Variants in FLVCR1 observed in about 807,000 individuals in gnomAD.
FLVCR1 encodes the protein FLVCR choline and heme transporter 1, also known as choline/ethanolamine transporter FLVCR1.
FLVCR1 carries 34 observed loss-of-function variants against 53.6 expected under a neutral mutation model. The observed-to-expected ratio is 0.63, with a 90% confidence interval of 0.48 to 0.84. The LOEUF (loss-of-function observed/expected upper bound fraction) is 0.84. FLVCR1 is among the 40% of genes least tolerant of loss of function. The pLI is 0.00. For missense variants in FLVCR1, 677 were observed against 696.7 expected (o/e 0.97, Z 0.32); for synonymous variants, 300 against 286.3 (o/e 1.05, Z -0.48).
At position 212,858,502 on chromosome 1, in the gene FLVCR1, C is replaced by G. The variant is rs1228515012; in HGVS notation, c.50C>G (p.Pro17Arg). Reference sequence around the variant, plus strand: ...GGGGCGGCGGTGGCGCCCGGACACCCGCTCGCGAAAGGATACCTCCCGTTG... The same window carrying G: ...GGGGCGGCGGTGGCGCCCGGACACCGGCTCGCGAAAGGATACCTCCCGTTG... Reference protein sequence around the residue: ...EEGAAVAPGHPLAKGYLPLPR... With the variant: ...EEGAAVAPGHRLAKGYLPLPR... The change falls in exon 1 of 10, where the codon CCG (proline) becomes CGG (arginine). Residue 17 changes from proline (P) to arginine (R), a missense_variant. By Grantham distance (103) the Pro-to-Arg change is moderately radical (BLOSUM62 -2). Coordinates refer to ENST00000366971, the MANE Select transcript of FLVCR1 (RefSeq NM_014053.4). 74 of 1,447,582 alleles carry G rather than the reference C, an allele frequency of 5.1e-5. No homozygotes were observed. Among genetic ancestry groups the G allele is most frequent in the Non-Finnish European group, 6.6e-5 (73 of 1,103,744 alleles). The allele number at this position is 1,447,582 out of a possible 1,614,324, so 89.7% of individuals were successfully genotyped here.
At chr1:212,868,407 C>CTTTAT (rs574364362) in intron 2 of FLVCR1, among the ~76,000 whole-genome samples, 14 of 151,752 alleles carry the variant, frequency 9.2e-5, no homozygotes, top group East Asian at 5.8e-4. Context: ...TATCTATAAA[C>CTTTAT]TTTATTTTAT....
chr1:212,869,280 CTAT>C (rs1256589712), intron 2 of FLVCR1, among the ~76,000 whole-genome samples: 1 of 152,132 alleles, frequency 6.6e-6, no homozygotes, highest in Non-Finnish European at 1.5e-5. Flanking sequence ...CAATAGAAAG[CTAT>C]TATTTTTCTG....
At chr1:212,880,855 G>A (rs1664900852) in intron 3 of FLVCR1, among the ~76,000 whole-genome samples, 1 of 150,300 alleles carries the variant, frequency 6.7e-6, no homozygotes, top group South Asian at 2.1e-4. Flanking sequence ...AACATGAAAA[G>A]TTTATTTCTT....
chr1:212,895,642 G>A lies in FLVCR1; in HGVS notation c.*352G>A. 3.0e-6 allele frequency: 1 copy of A among 331,198 alleles called. No individual in the cohort carries two copies. 20.5% of individuals were successfully genotyped at this position (331,198 alleles called of 1,614,324 possible). ...GGAAGCTTAGAATACTTTTTAAAGT[G>A]ATAATATGGGGTGTTCAGTCCCCAT... is the stretch of plus-strand genomic sequence containing the variant. On this transcript the variant is annotated 3_prime_UTR_variant, in exon 10 of 10. Coordinates refer to ENST00000366971, the MANE Select transcript of FLVCR1 (RefSeq NM_014053.4).
At chr1:212,859,293 A>C in intron 1 of FLVCR1, 103 bp downstream of exon 1, 1 of 1,546,232 alleles carries the variant, frequency 6.5e-7, no homozygotes, top group Non-Finnish European at 8.9e-7. Context: ...CCCAGGAGGT[A>C]TTTGTCTATA....
At chr1:212,860,151 G>A (rs1375112807) in intron 1 of FLVCR1, among the ~76,000 whole-genome samples, 2 of 152,028 alleles carry the variant, frequency 1.3e-5, no homozygotes, top group Non-Finnish European at 2.9e-5. Context: ...GTGCATGCCT[G>A]TAATTCCAGC....
intron 2 of FLVCR1, among the ~76,000 whole-genome samples, chr1:212,865,181 C>T (rs372408851): frequency 6.6e-6 from 1 of 150,550 alleles, no homozygotes; most frequent in African/African-American, 2.4e-5. Context: ...GCACAACGTG[C>T]AGGTTTGTTA....
intron 3 of FLVCR1, among the ~76,000 whole-genome samples, chr1:212,878,174 A>T (rs908272278): frequency 1.3e-5 from 2 of 152,150 alleles, no homozygotes; most frequent in African/African-American, 4.8e-5. Flanking sequence ...CTGGTCCTTT[A>T]CAGAAAATGT....
At position 212,875,023 on chromosome 1, in the gene FLVCR1, T is replaced by G. The variant is rs373748492; in HGVS notation, c.1024+2205T>G. 1.2e-3 allele frequency among the ~76,000 whole-genome samples: 183 copies of G among 152,332 alleles called. 2 individuals are homozygous for G. The South Asian group carries it at 0.033, about 27-fold the overall frequency. On this transcript the variant is annotated intron_variant, in intron 3 of 9. Coordinates refer to ENST00000366971, the MANE Select transcript of FLVCR1 (RefSeq NM_014053.4). Reference sequence around the variant, plus strand: ...ATATTTCTTTTACCGGAAATGTGCTTCTTTTTTCTGTAAGCAATCCTATAA... The same window carrying G: ...ATATTTCTTTTACCGGAAATGTGCTGCTTTTTTCTGTAAGCAATCCTATAA...
At chr1:212,865,854 C>G (rs941234059) in intron 2 of FLVCR1, among the ~76,000 whole-genome samples, 16 of 145,990 alleles carry the variant, frequency 1.1e-4, no homozygotes, top group Admixed American at 1.4e-4. Flanking sequence ...CTCGCTCTGT[C>G]ACCCAGGCTG....
intron 1 of FLVCR1, among the ~76,000 whole-genome samples, chr1:212,860,171 G>T (rs1291240622): frequency 1.3e-5 from 2 of 152,052 alleles, no homozygotes; most frequent in Admixed American, 6.6e-5. Flanking sequence ...CTACTCAGGT[G>T]GCCAAGGCAT....
chr1:212,864,687 A>G (rs1664355576), intron 2 of FLVCR1, among the ~76,000 whole-genome samples: 1 of 152,260 alleles, frequency 6.6e-6, no homozygotes, highest in Non-Finnish European at 1.5e-5. Flanking sequence ...TTGAAATGCC[A>G]TCTTTTAATC....
At chr1:212,870,453 A>G (rs1237718280) in intron 2 of FLVCR1, among the ~76,000 whole-genome samples, 1 of 152,176 alleles carries the variant, frequency 6.6e-6, no homozygotes, top group Non-Finnish European at 1.5e-5. Flanking sequence ...TGTTTAAAAC[A>G]GTTTCTTTGG....
At chr1:212,890,604 G>C (rs1410205760) in intron 8 of FLVCR1, among the ~76,000 whole-genome samples, 2 of 152,174 alleles carry the variant, frequency 1.3e-5, no homozygotes, top group Non-Finnish European at 2.9e-5. Context: ...TTCATATAAA[G>C]GCCTTGAGCA....
At chr1:212,884,577 C>T (rs1376925486) in intron 4 of FLVCR1, among the ~76,000 whole-genome samples, 3 of 152,308 alleles carry the variant, frequency 2.0e-5, no homozygotes, top group South Asian at 2.1e-4. Context: ...TTTTGATTGA[C>T]GTATCTGCTT....
chr1:212,889,592 C>G (rs1665138804), intron 8 of FLVCR1, among the ~76,000 whole-genome samples: 1 of 151,908 alleles, frequency 6.6e-6, no homozygotes, highest in Non-Finnish European at 1.5e-5. Flanking sequence ...CATGGCGAAA[C>G]CCCGTCTCTA....
chr1:212,871,000 C>A (rs935427736), intron 2 of FLVCR1, among the ~76,000 whole-genome samples: 7 of 152,140 alleles, frequency 4.6e-5, no homozygotes, highest in African/African-American at 1.7e-4. Context: ...GAACTCCTGA[C>A]CTCACATGAT....
intron 2 of FLVCR1, among the ~76,000 whole-genome samples, chr1:212,871,760 G>A (rs762566131): frequency 2.0e-5 from 3 of 152,124 alleles, no homozygotes; most frequent in African/African-American, 4.8e-5. Flanking sequence ...AAAGTTGGTC[G>A]ATCTTTCCTG....
At chr1:212,859,307 G>A (rs183414140) in intron 1 of FLVCR1, 117 bp downstream of exon 1, 2 of 1,494,642 alleles carry the variant, frequency 1.3e-6, no homozygotes, top group East Asian at 4.5e-5. Context: ...GTCTATAAAA[G>A]AGGAGATGAA....
Sources: allele counts gnomAD v4.1 joint callset (sites outside exome capture counted in the v4.1 genomes callset), GRCh38; gene constraint gnomAD v4.1.1; transcripts MANE v1.5; gene names NCBI Gene and HGNC (gene_info 2026-07-23, HGNC 2026-07-21).